Variants in BCAS4 observed in about 807,000 individuals in gnomAD.
BCAS4 encodes breast carcinoma amplified sequence 4.
BCAS4 carries 9 observed loss-of-function variants against 15.7 expected under a neutral mutation model. The ratio of observed to expected loss-of-function variants is 0.57; its 90% CI spans 0.34 to 1.00. The LOEUF is 1.00. Ranked by LOEUF, BCAS4 falls within the 50% of genes least tolerant of loss-of-function variation. The probability of loss-of-function intolerance (pLI) is 0.02; values close to 1 mark genes in which losing one functional copy is unlikely to be tolerated. For missense variants in BCAS4, 225 were observed against 239.1 expected (o/e 0.94, Z 0.39); for synonymous variants, 101 against 99.5 (o/e 1.02, Z -0.09).
intron 4 of BCAS4, among the ~76,000 whole-genome samples, chr20:50,853,237 C>T (rs1319246706): frequency 5.3e-5 from 8 of 150,646 alleles, no homozygotes; most frequent in South Asian, 4.2e-4. Flanking sequence ...CTCCGCCTCC[C>T]GGGTTCAACC....
At chr20:50,818,340 T>C (rs1194478860) in intron 2 of BCAS4, 58 bp downstream of exon 2, 1 of 1,208,450 alleles carries the variant, frequency 8.3e-7, no homozygotes, top group Non-Finnish European at 1.1e-6. Flanking sequence ...AGGCCCTTGC[T>C]GGAGTTTTCT....
At chr20:50,875,602 TAAAAA>T (rs3971637) in intron 4 of BCAS4, among the ~76,000 whole-genome samples, 2 of 100,560 alleles carry the variant, frequency 2.0e-5, no homozygotes, top group Non-Finnish European at 4.3e-5. Context: ...TCATCTCTAC[TAAAAA>T]AAAAAAAAAA....
At chr20:50,848,783 T>C (rs1206691955) in intron 4 of BCAS4, among the ~76,000 whole-genome samples, 1 of 152,206 alleles carries the variant, frequency 6.6e-6, no homozygotes, top group Non-Finnish European at 1.5e-5. Flanking sequence ...CCTGGAAATA[T>C]CTAATGCTGT....
intron 2 of BCAS4, among the ~76,000 whole-genome samples, chr20:50,818,610 C>G (rs1181464032): frequency 1.3e-5 from 2 of 152,186 alleles, no homozygotes; most frequent in African/African-American, 4.8e-5. Context: ...AGCGGGGACG[C>G]TAGACTATAT....
In BCAS4 at chr20:50,810,716, G is replaced by A. The variant is rs192258489; in HGVS notation, c.91-7495G>A. On this transcript the variant is annotated intron_variant, in intron 1 of 4. Transcript: ENST00000371608. ...CGCCGTTTTCCTGGCGCAGCCTCCC[G>A]AGTAGCTGGGACTACAGCCGCCCGC... Among the ~76,000 whole-genome samples, 189 of 150,552 alleles carry A rather than the reference G, an allele frequency of 1.3e-3. 2 individuals carry two copies. The highest frequency in any genetic ancestry group is 3.5e-3 in the Middle Eastern group (1 of 288).
At chr20:50,829,042 A>G (rs943982081) in intron 2 of BCAS4, among the ~76,000 whole-genome samples, 7 of 152,154 alleles carry the variant, frequency 4.6e-5, no homozygotes, top group African/African-American at 1.7e-4. Context: ...CATGGTGGGT[A>G]GAGCTAAATT....
At chr20:50,831,979 A>G (rs1161625684) in intron 3 of BCAS4, among the ~76,000 whole-genome samples, 1 of 152,216 alleles carries the variant, frequency 6.6e-6, no homozygotes, top group East Asian at 1.9e-4. Context: ...TTTATTCCAC[A>G]CGTTTGAAAG....
rs1458325676 is a variant in BCAS4, at chr20:50,840,831, TTTTA to T, written c.265-927_265-924del. 89 of 975,326 alleles carry T rather than the reference TTTTA, an allele frequency of 9.1e-5. No individual in the cohort carries two copies. The African/African-American group carries it at 1.2e-3, about 14-fold the overall frequency. 60.4% of individuals were successfully genotyped at this position (975,326 alleles called of 1,614,324 possible). On this transcript the variant is annotated intron_variant, in intron 3 of 4. Transcript: ENST00000371608. ...TAGTGGCCACCACTGAGTTGTCCAA[TTTTA>T]TTTATTTTTTTGAGACGGAGTTTCA...
chr20:50,882,113 G>T (rs1980128006), downstream of BCAS4: 1 of 151,686 alleles, frequency 6.6e-6, no homozygotes, highest in African/African-American at 2.4e-5. Flanking sequence ...AGCCCAGGAG[G>T]TTGAGGCTGC....
chr20:50,861,201 T>C (rs990977393), intron 4 of BCAS4, among the ~76,000 whole-genome samples: 6 of 152,170 alleles, frequency 3.9e-5, no homozygotes, highest in Admixed American at 3.9e-4. Flanking sequence ...AGGCGTCTCC[T>C]GTGCGGCAGA....
At chr20:50,830,239 A>T in intron 2 of BCAS4, 40 bp from the exon 3 acceptor site, 1 of 1,546,220 alleles carries the variant, frequency 6.5e-7, no homozygotes, top group South Asian at 1.1e-5. Flanking sequence ...GGACACAGTG[A>T]TGGGGCAGAA....
chr20:50,803,027 A>G (rs1182659493), intron 1 of BCAS4, among the ~76,000 whole-genome samples: 1 of 152,202 alleles, frequency 6.6e-6, no homozygotes, highest in Non-Finnish European at 1.5e-5. Flanking sequence ...CAAAAAATAC[A>G]AAAATTAGCC....
chr20:50,842,563 G>A (rs948546809), intron 4 of BCAS4, among the ~76,000 whole-genome samples: 3 of 152,126 alleles, frequency 2.0e-5, no homozygotes, highest in African/African-American at 7.2e-5. Context: ...GATTACAGGT[G>A]CACGTCACCA....
At chr20:50,822,464 TAGATGAG>T (rs1433332321) in intron 2 of BCAS4, among the ~76,000 whole-genome samples, 1 of 152,140 alleles carries the variant, frequency 6.6e-6, no homozygotes, top group African/African-American at 2.4e-5. Context: ...CTGTAAGGAA[TAGATGAG>T]GCAGAGATGT....
intron 4 of BCAS4, among the ~76,000 whole-genome samples, chr20:50,845,598 C>A (rs1392831295): frequency 6.6e-6 from 1 of 152,194 alleles, no homozygotes; most frequent in Non-Finnish European, 1.5e-5. Context: ...GTCTCTCCCC[C>A]AGGACCCCAC....
chr20:50,811,052 A>T (rs2088056057), intron 1 of BCAS4, among the ~76,000 whole-genome samples: 1 of 152,152 alleles, frequency 6.6e-6, no homozygotes, highest in African/African-American at 2.4e-5. Flanking sequence ...TTCACCAGTA[A>T]AGGGAACAGC....
chr20:50,849,036 C>G (rs781339002), intron 4 of BCAS4, among the ~76,000 whole-genome samples: 28 of 152,214 alleles, frequency 1.8e-4, no homozygotes, highest in Admixed American at 5.9e-4. Flanking sequence ...GGCTGCGGAC[C>G]TCGGAAGTGC....
intron 1 of BCAS4, among the ~76,000 whole-genome samples, chr20:50,807,281 C>A (rs1447109034): frequency 6.6e-6 from 1 of 152,202 alleles, no homozygotes; most frequent in African/African-American, 2.4e-5. Flanking sequence ...GCACCCTCCG[C>A]TTCCTGGCTC....
chr20:50,814,491 C>G (rs2088113820), intron 1 of BCAS4, among the ~76,000 whole-genome samples: 1 of 152,220 alleles, frequency 6.6e-6, no homozygotes, highest in Non-Finnish European at 1.5e-5. Context: ...CCCACTGTTG[C>G]CCAGGCTAAA....
Sources: allele counts gnomAD v4.1 joint callset (sites outside exome capture counted in the v4.1 genomes callset), GRCh38; gene constraint gnomAD v4.1.1; transcripts MANE v1.5; gene names NCBI Gene and HGNC (gene_info 2026-07-23, HGNC 2026-07-21).